Variants in MYO19 observed in about 807,000 individuals in gnomAD.
MYO19 encodes the protein unconventional myosin-XIX.
Under a neutral mutation model 129.2 loss-of-function variants are expected in MYO19, and 132 were observed. That is an observed-to-expected ratio of 1.02 (90% CI 0.89 to 1.18). The LOEUF (loss-of-function observed/expected upper bound fraction) is 1.18, where lower values mean the gene tolerates loss of function less well. Among genes scored for constraint, MYO19 ranks in the 50% most tolerant of loss-of-function variants. The probability of loss-of-function intolerance (pLI) is 0.00; values close to 1 mark genes in which losing one functional copy is unlikely to be tolerated. For missense variants in MYO19, 1,210 were observed against 1,216.7 expected (o/e 0.99, Z 0.08); for synonymous variants, 531 against 477.2 (o/e 1.11, Z -1.47).
At chr17:36,509,296 C>T (rs1433259264) in intron 13 of MYO19, 161 bp from the exon 14 acceptor site, 6 of 646,266 alleles carry the variant, frequency 9.3e-6, no homozygotes, top group African/African-American at 1.8e-5. Flanking sequence ...CGGCCTATCA[C>T]GTCTTGACCT....
chr17:36,527,273 C>T (rs916740441), intron 5 of MYO19, among the ~76,000 whole-genome samples: 16 of 151,784 alleles, frequency 1.1e-4, no homozygotes, highest in African/African-American at 3.9e-4. Flanking sequence ...AATAAAACCG[C>T]AAACAAGAAA....
Position 36,506,994 on chromosome 17 carries a change from T to TACC in MYO19, c.1610_1612dup (p.Arg537_Tyr538insTrp). ...CTTCTCCACCAGGCCTGCTGTGTGG[T>TACC]ACCGCACAGGCCCCGCATAATGCAC... On this transcript the variant is annotated inframe_insertion, in exon 17 of 26. Coordinates refer to ENST00000614623, the MANE Select transcript of MYO19 (RefSeq NM_001163735.2). 1 of 1,610,302 alleles carries TACC rather than the reference T, an allele frequency of 6.2e-7. No individual in the cohort carries two copies. Among genetic ancestry groups the TACC allele is most frequent in the Non-Finnish European group, 8.5e-7 (1 of 1,177,182 alleles).
rs1016440561 is a variant in MYO19 at position 36,513,048 on chromosome 17, C to T, written c.894+381G>A. The T allele has an allele frequency of 2.6e-5, 30 of 1,166,952 alleles. No homozygotes were observed. In the African/African-American group the frequency reaches 2.8e-4, roughly 11 times the overall value. 72.3% of individuals were successfully genotyped at this position (1,166,952 alleles called of 1,614,324 possible). On this transcript the variant is annotated intron_variant, in intron 11 of 25. Coordinates refer to ENST00000614623, the MANE Select transcript of MYO19 (RefSeq NM_001163735.2). ...TCAGGCATAAAGGGAAATAAACACA[C>T]ACAGAGGACTGTTTAAAAAACTAAG...
intron 11 of MYO19, 95 bp from the exon 12 acceptor site, chr17:36,511,550 G>A: frequency 2.7e-6 from 3 of 1,099,858 alleles, no homozygotes; most frequent in Non-Finnish European, 4.1e-6. Flanking sequence ...CACGACAGCA[G>A]AAGGGCAGCT....
intron 3 of MYO19, among the ~76,000 whole-genome samples, chr17:36,530,385 C>G (rs1249733416): frequency 6.6e-6 from 1 of 150,956 alleles, no homozygotes; most frequent in South Asian, 2.1e-4. Context: ...CAAAAACACA[C>G]GAAGGATTTA....
At chr17:36,509,608 G>A (rs2072175519) in intron 13 of MYO19, 1 of 185,988 alleles carries the variant, frequency 5.4e-6, no homozygotes, top group Admixed American at 5.5e-5. Context: ...CAGTCCCGAG[G>A]TCAACAATGG....
intron 2 of MYO19, among the ~76,000 whole-genome samples, chr17:36,540,499 G>A (rs112398137): frequency 6.6e-6 from 1 of 151,720 alleles, no homozygotes; most frequent in African/African-American, 2.4e-5. Flanking sequence ...GCCTCCCGAG[G>A]AGCTGGGATT....
At position 36,501,088 on chromosome 17, in the gene MYO19, A is replaced by G; in HGVS notation, c.2228T>C (p.Val743Ala). 6.2e-7 allele frequency: 1 copy of G among 1,613,340 alleles called. No homozygotes were observed. Among genetic ancestry groups the G allele is most frequent in the Non-Finnish European group, 8.5e-7 (1 of 1,179,474 alleles). Residue 743 changes from valine (V) to alanine (A), a missense_variant, in exon 22 of 26, where the codon GTG (valine) becomes GCG (alanine). By Grantham distance (64) the Val-to-Ala change is moderately conservative. Coordinates refer to ENST00000614623, the MANE Select transcript of MYO19 (RefSeq NM_001163735.2). ...PAPMHCGRTKVFMTDSMLELL... is the reference protein window; with the variant it reads ...PAPMHCGRTKAFMTDSMLELL... Reference sequence around the variant, plus strand: ...GCTCACCATAGAGTCAGTCATGAACACCTTGGTCCTGCCACAGTGCATGGG... The same window carrying G: ...GCTCACCATAGAGTCAGTCATGAACGCCTTGGTCCTGCCACAGTGCATGGG...
At position 36,496,143 on chromosome 17, in the gene MYO19, T is replaced by G; in HGVS notation, c.*108A>C. The stretch of plus-strand genomic sequence containing the variant: ...AGGCTGGAGCCGTCACTGTTGTTCA[T>G]GTGCATTTGGAGCACTGTGGGAATA... On this transcript the variant is annotated 3_prime_UTR_variant, in exon 26 of 26. Transcript: ENST00000614623. 1 of 1,426,822 alleles carries G rather than the reference T, an allele frequency of 7.0e-7. No homozygotes were observed. Among genetic ancestry groups the G allele is most frequent in the Non-Finnish European group, 9.7e-7 (1 of 1,033,444 alleles). The allele number at this position is 1,426,822 out of a possible 1,614,324, so 88.4% of individuals were successfully genotyped here.
At chr17:36,544,279 T>C (rs1349307334), upstream of MYO19, among the ~76,000 whole-genome samples, 1 of 152,212 alleles carries the variant, frequency 6.6e-6, no homozygotes, top group Admixed American at 6.5e-5. Flanking sequence ...CTATCAGCAC[T>C]TCACTATTTG....
At chr17:36,511,133 G>A in intron 12 of MYO19, 1 of 671,022 alleles carries the variant, frequency 1.5e-6, no homozygotes, top group Non-Finnish European at 2.5e-6. Context: ...CCATGTATGG[G>A]ACAAATCACT....
In MYO19 at chr17:36,496,366, T is replaced by C; in HGVS notation, c.2798A>G (p.Tyr933Cys). 1 of 1,614,014 alleles carries C rather than the reference T, an allele frequency of 6.2e-7. No individual in the cohort carries two copies. ...KFHCRKSPLRYADICPEPSPY... is the reference protein window; with the variant it reads ...KFHCRKSPLRCADICPEPSPY... ...TGAAGGTTCAGGGCAGATGTCAGCA[T>C]ACCGCAGTGGAGACTTTCTGCAGTG... is the stretch of plus-strand genomic sequence containing the variant. Residue 933 changes from tyrosine to cysteine, a missense_variant, in exon 26 of 26, where the codon TAT becomes TGT. Coordinates refer to ENST00000614623, the MANE Select transcript of MYO19 (RefSeq NM_001163735.2).
At position 36,509,078 on chromosome 17, in the gene MYO19, C is replaced by T. The variant is rs752028039; in HGVS notation, c.1215G>A (p.Ser405=). The change falls in exon 14 of 26, where the codon TCG becomes TCA. Residue 405 remains serine (S), a synonymous_variant. Transcript: ENST00000614623. The part of the protein sequence containing the change: ...INSSICADTD[S]WTTFIGLLDV... ...CCTTGCTACCTATGAAAGTGGTCCA[C>T]GAGTCGGTGTCTGCACAGATGCTGC... The T allele has an allele frequency of 3.4e-5, 55 of 1,613,606 alleles. No homozygotes were observed. Among genetic ancestry groups the T allele is most frequent in the Non-Finnish European group, 4.2e-5 (50 of 1,179,812 alleles).
At position 36,501,548 on chromosome 17, in the gene MYO19, A is replaced by G. The variant is rs114637311; in HGVS notation, c.2081-313T>C. On this transcript the variant is annotated intron_variant, in intron 21 of 25. Coordinates refer to ENST00000614623, the MANE Select transcript of MYO19 (RefSeq NM_001163735.2). ...AGGGTGCTTGACACCTGGAAGGGTGACTCCTTCCAAGCTTGGAATCCCAGG... is the reference window on the plus strand; with the variant it reads ...AGGGTGCTTGACACCTGGAAGGGTGGCTCCTTCCAAGCTTGGAATCCCAGG... The G allele has an allele frequency of 3.2e-3, 785 of 249,186 alleles. 3 individuals carry two copies. Among genetic ancestry groups the G allele is most frequent in the African/African-American group, 0.016 (732 of 44,944 alleles). 15.4% of individuals were successfully genotyped at this position (249,186 alleles called of 1,614,324 possible).
In MYO19 at chr17:36,513,612, G is replaced by C. The variant is rs2072523222; in HGVS notation, c.817+17C>G. 1.9e-6 allele frequency: 3 copies of C among 1,613,990 alleles called. No homozygotes were observed. The highest frequency in any genetic ancestry group is 2.7e-5 in the African/African-American group (2 of 75,068). ...GATGCTGGGTCAGCGCAAGGTGCTG[G>C]ATGGGGCTCCCCTTACCTTCTAAGC... On this transcript the variant is annotated intron_variant, in intron 10 of 25. Transcript: ENST00000614623.
intron 5 of MYO19, 85 bp from the exon 6 acceptor site, chr17:36,525,426 G>T: frequency 1.0e-6 from 1 of 991,054 alleles, no homozygotes. Context: ...AGATGGGGAG[G>T]CTGCCAATAG....
intron 21 of MYO19, 140 bp from the exon 22 acceptor site, chr17:36,501,375 T>G: frequency 1.1e-6 from 1 of 915,112 alleles, no homozygotes; most frequent in Middle Eastern, 2.6e-4. Context: ...CTCCTTGTTC[T>G]TCTTTTGGAG....
upstream of MYO19, among the ~76,000 whole-genome samples, chr17:36,543,600 T>C (rs970084665): frequency 6.6e-6 from 1 of 152,212 alleles, no homozygotes; most frequent in African/African-American, 2.4e-5. Flanking sequence ...GTTGTGAATC[T>C]CTAAGACTCC....
chr17:36,512,660 G>A (rs1223488183), intron 11 of MYO19: 1 of 1,288,884 alleles, frequency 7.8e-7, no homozygotes, highest in African/African-American at 1.5e-5. Context: ...GTTCTTACCT[G>A]GCAGTGTCTG....
Sources: gnomAD v4.1 joint callset for allele counts (sites outside exome capture counted in the v4.1 genomes callset) on GRCh38, gnomAD v4.1.1 for gene constraint, MANE v1.5 for transcripts, NCBI Gene and HGNC (gene_info 2026-07-23, HGNC 2026-07-21) for gene names.